MAPKAPK3: variants seen among roughly 807,000 people sequenced by gnomAD.
MAPKAPK3 encodes the protein MAPK activated protein kinase 3.
A neutral mutation model predicts 49.2 loss-of-function variants in MAPKAPK3; 35 were observed. The observed-to-expected ratio is 0.71, with a 90% CI of 0.54 to 0.94. The LOEUF is 0.94. Ranked by LOEUF, MAPKAPK3 falls within the 40% of genes least tolerant of loss-of-function variation. The pLI is 0.00. For synonymous variants in MAPKAPK3, 178 were observed against 188.7 expected, an observed-to-expected ratio of 0.94 and a Z score of 0.46; for missense variants, 398 against 493.1, an observed-to-expected ratio of 0.81 and a Z score of 1.83.
chr3:50,639,358 C>A (rs2033118633), intron 2 of MAPKAPK3, among the ~76,000 whole-genome samples: 1 of 152,160 alleles, frequency 6.6e-6, no homozygotes, highest in African/African-American at 2.4e-5. Context: ...CCTCTGGGTC[C>A]TTACCGGTGA....
upstream of MAPKAPK3, among the ~76,000 whole-genome samples, chr3:50,614,642 C>T (rs2032418918): frequency 1.3e-5 from 2 of 151,994 alleles, no homozygotes; most frequent in Admixed American, 1.3e-4. Context: ...CATCATGAAC[C>T]CACTCCTGAC....
chr3:50,645,120 G>A (rs965752930), intron 6 of MAPKAPK3, among the ~76,000 whole-genome samples: 8 of 152,140 alleles, frequency 5.3e-5, no homozygotes, highest in Non-Finnish European at 1.2e-4. Flanking sequence ...TCCCTCAGAA[G>A]AGGTCTTCCT....
At position 50,644,509 on chromosome 3, in the gene MAPKAPK3, C is replaced by T. The variant is rs755111080; in HGVS notation, c.605C>T (p.Pro202Leu). The T allele has an allele frequency of 3.7e-6, 6 of 1,614,028 alleles. No individual in the cohort carries two copies. In the African/African-American group the frequency reaches 8.0e-5, roughly 22 times the overall value. ...KETTQNALQT[P>L]CYTPYYVAPE... ...ACCACCCAAAATGCCCTGCAGACAC[C>T]CTGCTATACTCCCTATTATGTGGGT... The change falls in exon 6 of 11, where the codon CCC (proline) becomes CTC (leucine). Residue 202 changes from proline (P) to leucine (L), a missense_variant. Pro to Leu is a moderately conservative substitution (Grantham distance 98). Transcript: ENST00000621469.
rs2033279269 is a variant in MAPKAPK3, at chr3:50,645,862, C to A, written c.704+77C>A. 4.6e-6 allele frequency: 6 copies of A among 1,302,746 alleles called. No homozygotes were observed. In the Admixed American group the frequency reaches 1.0e-4, roughly 22 times the overall value. 80.7% of individuals were successfully genotyped at this position (1,302,746 alleles called of 1,614,324 possible). ...TGAGCCCTCAGGACCACTTCTGTCC[C>A]CCCACCCCCATGTCCTTGGTGAGGA... On this transcript the variant is annotated intron_variant, in intron 7 of 10. Transcript: ENST00000621469.
intron 7 of MAPKAPK3, 113 bp downstream of exon 7, chr3:50,645,898 G>A: frequency 3.8e-6 from 4 of 1,051,210 alleles, no homozygotes; most frequent in Non-Finnish European, 5.9e-6. Context: ...GCTTGTGTGT[G>A]TCACTCCTCA....
Position 50,646,782 on chromosome 3 carries a change from A to G in MAPKAPK3, c.872A>G (p.Glu291Gly). 1 of 1,614,026 alleles carries G rather than the reference A, an allele frequency of 6.2e-7. No individual in the cohort carries two copies. Among genetic ancestry groups the G allele is most frequent in the Non-Finnish European group, 8.5e-7 (1 of 1,180,018 alleles). Residue 291 changes from glutamate (E) to glycine (G), a missense_variant, in exon 9 of 11, where the codon GAG becomes GGG. This residue lies in a region of MAPKAPK3 where 152 missense variants were observed against 177.3 expected (regional missense o/e 0.86). Transcript: ENST00000621469. The stretch of plus-strand genomic sequence containing the variant: ...CTCCTGTTGAAGACAGACCCCACAG[A>G]GAGGCTGACCATCACTCAGTTCATG... ...IRLLLKTDPTERLTITQFMNH... is the reference protein window; with the variant it reads ...IRLLLKTDPTGRLTITQFMNH...
intron 5 of MAPKAPK3, 49 bp downstream of exon 5, chr3:50,642,381 C>A (rs375848493): frequency 6.9e-5 from 96 of 1,381,888 alleles, no homozygotes; most frequent in Middle Eastern, 1.9e-4. Context: ...GGATATTGTC[C>A]CACTCCACAA....
intron 2 of MAPKAPK3, among the ~76,000 whole-genome samples, chr3:50,628,739 C>T (rs1370133249): frequency 6.6e-6 from 1 of 152,150 alleles, no homozygotes; most frequent in Non-Finnish European, 1.5e-5. Flanking sequence ...CACTGTAGAA[C>T]CTCTGGGGGA....
rs2107581423 is a variant in MAPKAPK3, at chr3:50,627,743, C to T, written c.219+9959C>T. Among the ~76,000 whole-genome samples the T allele has an allele frequency of 1.3e-5, 2 of 152,248 alleles. 1 individual carries two copies. The highest frequency in any genetic ancestry group is 4.1e-4 in the South Asian group (2 of 4,828). On this transcript the variant is annotated intron_variant, in intron 2 of 10. Coordinates refer to ENST00000621469, the MANE Select transcript of MAPKAPK3 (RefSeq NM_001243925.2). ...CATAGCTATGGCTCCATGGTGTGAT[C>T]AGAGACTAGGAAAGCCTTCTGGGAG...
In MAPKAPK3 at chr3:50,617,582, C is replaced by G; in HGVS notation, c.17C>G (p.Ala6Gly). Residue 6 changes from alanine to glycine, a missense_variant, in exon 2 of 11, where the codon GCA (alanine) becomes GGA (glycine). Around this residue, in one of 5 missense-constraint regions of MAPKAPK3, gnomAD observed 123 missense variants for 117.7 expected, o/e 1.04. Coordinates refer to ENST00000621469, the MANE Select transcript of MAPKAPK3 (RefSeq NM_001243925.2). ...GCGGGGGCCATGGATGGTGAAACAG[C>G]AGAGGAGCAGGGGGGCCCTGTGCCC... The part of the protein sequence containing the change: MDGET[A>G]EEQGGPVPPP... 1 of 1,574,876 alleles carries G rather than the reference C, an allele frequency of 6.3e-7. No individual in the cohort carries two copies. Among genetic ancestry groups the G allele is most frequent in the Non-Finnish European group, 8.7e-7 (1 of 1,148,504 alleles).
At chr3:50,645,865 C>A in intron 7 of MAPKAPK3, 80 bp downstream of exon 7, 3 of 1,284,542 alleles carry the variant, frequency 2.3e-6, no homozygotes, top group Non-Finnish European at 2.3e-6. Flanking sequence ...TCTGTCCCCC[C>A]ACCCCCATGT....
intron 2 of MAPKAPK3, among the ~76,000 whole-genome samples, chr3:50,630,629 G>A (rs953165455): frequency 1.3e-5 from 2 of 152,240 alleles, no homozygotes; most frequent in African/African-American, 4.8e-5. Context: ...TCCAGACCAG[G>A]GGCGTGGGCC....
chr3:50,614,344 A>G (rs1450627052), upstream of MAPKAPK3, among the ~76,000 whole-genome samples: 13 of 152,090 alleles, frequency 8.5e-5, no homozygotes, highest in Admixed American at 8.5e-4. Flanking sequence ...CCTGCACCCC[A>G]GGGATTGAAC....
chr3:50,634,288 T>C (rs2032979509), intron 2 of MAPKAPK3, among the ~76,000 whole-genome samples: 1 of 152,278 alleles, frequency 6.6e-6, no homozygotes, highest in South Asian at 2.1e-4. Flanking sequence ...CAGGGGTGTG[T>C]GTATGTGTAC....
intron 2 of MAPKAPK3, among the ~76,000 whole-genome samples, chr3:50,634,456 T>C (rs1243909605): frequency 6.6e-6 from 1 of 150,398 alleles, no homozygotes; most frequent in Non-Finnish European, 1.5e-5. Flanking sequence ...TGGGGGCCCG[T>C]TGGGTTGTCA....
chr3:50,624,512 G>A (rs2032687227), intron 2 of MAPKAPK3, among the ~76,000 whole-genome samples: 1 of 152,162 alleles, frequency 6.6e-6, no homozygotes, highest in African/African-American at 2.4e-5. Flanking sequence ...GGGCCTTGAA[G>A]GGTAGAGCAC....
At chr3:50,645,633 T>C (rs1011908927) in intron 6 of MAPKAPK3, 77 bp from the exon 7 acceptor site, 16 of 1,197,336 alleles carry the variant, frequency 1.3e-5, no homozygotes, top group Non-Finnish European at 1.7e-5. Context: ...GCTCCCCACC[T>C]TGCCCAGGCT....
intron 3 of MAPKAPK3, among the ~76,000 whole-genome samples, 188 bp from the exon 4 acceptor site, chr3:50,641,519 C>T (rs2033175377): frequency 6.6e-6 from 1 of 152,168 alleles, no homozygotes; most frequent in South Asian, 2.1e-4. Context: ...GAGTTCAGTT[C>T]AACCCACCTA....
chr3:50,614,174 G>A (rs1053059609), upstream of MAPKAPK3: 15 of 152,102 alleles, frequency 9.9e-5, no homozygotes, highest in African/African-American at 3.6e-4. Flanking sequence ...TACTAAGTTG[G>A]GTCCCTCTGG....
Sources: gnomAD v4.1 joint callset for allele counts (sites outside exome capture counted in the v4.1 genomes callset) on GRCh38, gnomAD v4.1.1 for gene constraint, gnomAD v4.1.1 regional missense constraint, MANE v1.5 for transcripts, NCBI Gene and HGNC (gene_info 2026-07-23, HGNC 2026-07-21) for gene names.